MB21D2: variants seen among roughly 807,000 people sequenced by gnomAD.
The protein encoded by MB21D2 is nucleotidyltransferase MB21D2.
MB21D2 carries 9 observed loss-of-function variants against 33.3 expected under a neutral mutation model. That is an observed-to-expected ratio of 0.27 (90% CI 0.16 to 0.47). The LOEUF is 0.47. Among genes scored for constraint, MB21D2 ranks in the 20% least tolerant of loss-of-function variants. The pLI, the probability that MB21D2 is intolerant of heterozygous loss-of-function variation, is 0.99. For missense variants in MB21D2, 540 were observed against 624.6 expected (o/e 0.86, Z 1.44); for synonymous variants, 241 against 236.3 (o/e 1.02, Z -0.18).
At chr3:192,867,283 G>GCT (rs377498248) in intron 1 of MB21D2, among the ~76,000 whole-genome samples, 38 of 151,420 alleles carry the variant, frequency 2.5e-4, no homozygotes, top group Admixed American at 1.2e-3. Flanking sequence ...ATCAAAACAG[G>GCT]CTCTCTCTCT....
At chr3:192,898,650 G>T (rs1165523066) in intron 1 of MB21D2, among the ~76,000 whole-genome samples, 1 of 152,000 alleles carries the variant, frequency 6.6e-6, no homozygotes, top group Non-Finnish European at 1.5e-5. Flanking sequence ...TGCTTTTCAG[G>T]CAATTAAAAA....
chr3:192,841,479 G>C (rs1712570995), intron 1 of MB21D2, among the ~76,000 whole-genome samples: 1 of 152,234 alleles, frequency 6.6e-6, no homozygotes, highest in Non-Finnish European at 1.5e-5. Context: ...CTTTAGAAAA[G>C]CCATCTGACA....
At chr3:192,854,794 T>C (rs1712881710) in intron 1 of MB21D2, among the ~76,000 whole-genome samples, 1 of 152,240 alleles carries the variant, frequency 6.6e-6, no homozygotes, top group Non-Finnish European at 1.5e-5. Flanking sequence ...CTAAATCTAC[T>C]CTGCCTGTGC....
chr3:192,828,866 A>G (rs528527620), intron 1 of MB21D2, among the ~76,000 whole-genome samples: 117 of 149,840 alleles, frequency 7.8e-4, no homozygotes, highest in African/African-American at 1.9e-3. Flanking sequence ...AGCCAGGATG[A>G]TCTCAATCTC....
intron 1 of MB21D2, among the ~76,000 whole-genome samples, chr3:192,873,016 C>CG (rs55783097): frequency 1.3e-3 from 190 of 151,552 alleles, no homozygotes; most frequent in African/African-American, 4.3e-3. Context: ...GACACCCCCC[C>CG]CCACCAAGCA....
chr3:192,830,551 G>A (rs746664239), intron 1 of MB21D2, among the ~76,000 whole-genome samples: 1 of 152,168 alleles, frequency 6.6e-6, no homozygotes, highest in Non-Finnish European at 1.5e-5. Flanking sequence ...AACTTCATGA[G>A]GCAGCCTCCT....
At chr3:192,908,815 G>A (rs1360192059) in intron 1 of MB21D2, among the ~76,000 whole-genome samples, 1 of 152,094 alleles carries the variant, frequency 6.6e-6, no homozygotes, top group African/African-American at 2.4e-5. Context: ...GTGTCAGAAG[G>A]TCATCTGTAG....
rs538825339 is a variant in MB21D2, at chr3:192,882,613, C to T, written c.211+35017G>A. Among the ~76,000 whole-genome samples, 19 of 152,174 alleles carry T rather than the reference C, an allele frequency of 1.2e-4. No individual in the cohort carries two copies. In the South Asian group the frequency reaches 3.5e-3, roughly 28 times the overall value. On this transcript the variant is annotated intron_variant, in intron 1 of 1. Transcript: ENST00000392452. ...TGTTTACCATTGGTTATGGTTCAGA[C>T]TTTATGAAGTTACATGTTAACTGAG...
chr3:192,877,011 C>G (rs2367128), intron 1 of MB21D2, among the ~76,000 whole-genome samples: 94,535 of 151,872 alleles, frequency 0.62, 31,565 homozygotes, highest in African/African-American at 0.87. Context: ...CCTGAGTCCA[C>G]AGTGAGTAAT....
At position 192,796,999 on chromosome 3, in the gene MB21D2, C is replaced by CAA. The variant is rs1720536528; in HGVS notation, c.*1386_*1387insTT. ...TGGACATTCAAGACCAAAATGAACACGTTACTTGCCCTTTCTATGAGTAGA... is the reference window on the plus strand; with the variant it reads ...TGGACATTCAAGACCAAAATGAACACAAGTTACTTGCCCTTTCTATGAGTAGA... On this transcript the variant is annotated 3_prime_UTR_variant, in exon 2 of 2. Transcript: ENST00000392452. 1.3e-5 allele frequency: 2 copies of CAA among 152,580 alleles called. No homozygotes were observed. The highest frequency in any genetic ancestry group is 4.8e-5 in the African/African-American group (2 of 41,442). 9.5% of individuals were successfully genotyped at this position (152,580 alleles called of 1,614,324 possible). A position where few individuals can be genotyped will look rare whatever the true frequency, so the allele number is the denominator to read the frequency against.
chr3:192,845,731 G>A (rs1278208741), intron 1 of MB21D2, among the ~76,000 whole-genome samples: 1 of 152,158 alleles, frequency 6.6e-6, no homozygotes, highest in Non-Finnish European at 1.5e-5. Flanking sequence ...AGAAAGAGTG[G>A]TACACAGGAG....
rs1308052657 is a variant in MB21D2 at position 192,798,303 on chromosome 3, T to TA, written c.*82dup. 5 of 1,475,972 alleles carry TA rather than the reference T, an allele frequency of 3.4e-6. No homozygotes were observed. In the African/African-American group the frequency reaches 5.6e-5, roughly 17 times the overall value. The allele number at this position is 1,475,972 out of a possible 1,614,324, so 91.4% of individuals were successfully genotyped here. A position where few individuals can be genotyped will look rare whatever the true frequency, so the allele number is the denominator to read the frequency against. ...ACAAATCCAATCTAGGCTGGATATG[T>TA]AAAAAACAGAAAGATAGCATCACAA... On this transcript the variant is annotated 3_prime_UTR_variant, in exon 2 of 2. Transcript: ENST00000392452. The surrounding 1 kb of genome is among the most constrained non-coding windows in gnomAD (Gnocchi z 4.8).
intron 1 of MB21D2, among the ~76,000 whole-genome samples, chr3:192,849,317 G>GC (rs1049152709): frequency 2.9e-4 from 6 of 20,370 alleles, no homozygotes; most frequent in African/African-American, 3.5e-4. Flanking sequence ...CTCTTTTTTT[G>GC]GGGGGGGGGC....
chr3:192,911,627 A>G (rs1345172593), intron 1 of MB21D2, among the ~76,000 whole-genome samples: 1 of 152,090 alleles, frequency 6.6e-6, no homozygotes, highest in African/African-American at 2.4e-5. Flanking sequence ...TCTGTGAATT[A>G]AAAAGGGGCT....
At chr3:192,874,106 C>T (rs532564840) in intron 1 of MB21D2, among the ~76,000 whole-genome samples, 42 of 152,222 alleles carry the variant, frequency 2.8e-4, no homozygotes, top group African/African-American at 9.4e-4. Context: ...AAGACGGGTA[C>T]AAGAGGAAGT....
Position 192,830,059 on chromosome 3 carries a change from G to A in MB21D2, c.212-30409C>T, listed in dbSNP as rs539435963. Among the ~76,000 whole-genome samples, 12 of 152,006 alleles carry A rather than the reference G, an allele frequency of 7.9e-5. No homozygotes were observed. In the South Asian group the frequency reaches 1.0e-3, roughly 13 times the overall value. ...TTGTGCTTTTTATTTTCTTAGAGACGGCGTCTTGCTATGTTGCCCAGGCCT... is the reference window on the plus strand; with the variant it reads ...TTGTGCTTTTTATTTTCTTAGAGACAGCGTCTTGCTATGTTGCCCAGGCCT... On this transcript the variant is annotated intron_variant, in intron 1 of 1. Coordinates refer to ENST00000392452, the MANE Select transcript of MB21D2 (RefSeq NM_178496.4).
At position 192,798,497 on chromosome 3, in the gene MB21D2, T is replaced by G. The variant is rs760966688; in HGVS notation, c.1365A>C (p.Ala455=). Reference sequence around the variant, plus strand: ...CAGTCACTAGCTGCTGCAGTTTTTTTGCCAAACGGTCATCAGGCTGGTTGG... The same window carrying G: ...CAGTCACTAGCTGCTGCAGTTTTTTGGCCAAACGGTCATCAGGCTGGTTGG... The part of the protein sequence containing the change: ...GDPNQPDDRL[A]KKLQQLVTEN... The change falls in exon 2 of 2, where the codon GCA becomes GCC. Residue 455 remains alanine, a synonymous_variant. Coordinates refer to ENST00000392452, the MANE Select transcript of MB21D2 (RefSeq NM_178496.4). This position sits in a 1 kb window ranked among gnomAD's most constrained non-coding sequence, Gnocchi z 4.8. 6.2e-7 allele frequency: 1 copy of G among 1,614,220 alleles called. No individual in the cohort carries two copies. The highest frequency in any genetic ancestry group is 2.2e-5 in the East Asian group (1 of 44,886).
At chr3:192,857,678 T>A (rs577492288) in intron 1 of MB21D2, among the ~76,000 whole-genome samples, 1 of 151,966 alleles carries the variant, frequency 6.6e-6, no homozygotes, top group South Asian at 2.1e-4. Flanking sequence ...TAGGAAGGCA[T>A]ATGATCAATC....
At chr3:192,861,140 C>T (rs1713032226) in intron 1 of MB21D2, among the ~76,000 whole-genome samples, 1 of 152,124 alleles carries the variant, frequency 6.6e-6, no homozygotes, top group Admixed American at 6.5e-5. Context: ...TATTATTAAC[C>T]CAATTTTACA....
Sources: gnomAD v4.1 joint callset for allele counts (sites outside exome capture counted in the v4.1 genomes callset) on GRCh38, gnomAD v4.1.1 for gene constraint, Gnocchi (gnomAD v3.1) non-coding constraint, MANE v1.5 for transcripts, NCBI Gene and HGNC (gene_info 2026-07-23, HGNC 2026-07-21) for gene names.